The following PLA2G4A variants were observed in gnomAD, a reference collection of about 807,000 sequenced individuals.
The protein encoded by PLA2G4A is cytosolic phospholipase A2.
Under a neutral mutation model 81.9 loss-of-function variants are expected in PLA2G4A, and 40 were observed. The observed-to-expected ratio is 0.49, with a 90% CI of 0.38 to 0.64. The LOEUF is 0.64. Ranked by LOEUF, PLA2G4A falls within the 30% of genes least tolerant of loss-of-function variation. The pLI is 0.00. For missense variants in PLA2G4A, 715 were observed against 905.1 expected (o/e 0.79, Z 2.69); for synonymous variants, 302 against 296.9 (o/e 1.02, Z -0.18).
chr1:186,941,398 C>T (rs1656149427), intron 10 of PLA2G4A, among the ~76,000 whole-genome samples: 1 of 152,110 alleles, frequency 6.6e-6, no homozygotes, highest in Non-Finnish European at 1.5e-5. Context: ...ACATGGGATC[C>T]ATTCATTCAA....
intron 14 of PLA2G4A, among the ~76,000 whole-genome samples, chr1:186,957,602 G>T (rs1656799556): frequency 6.6e-6 from 1 of 152,156 alleles, no homozygotes; most frequent in African/African-American, 2.4e-5. Flanking sequence ...TGCAACATAG[G>T]GCTTGAGTAA....
intron 8 of PLA2G4A, among the ~76,000 whole-genome samples, chr1:186,936,541 T>C (rs1655952970): frequency 6.6e-6 from 1 of 152,002 alleles, no homozygotes; most frequent in South Asian, 2.1e-4. Flanking sequence ...TTGAGGGTCT[T>C]CTCAAGTCAT....
chr1:186,964,734 T>TA, intron 14 of PLA2G4A, among the ~76,000 whole-genome samples: 1 of 152,356 alleles, frequency 6.6e-6, no homozygotes, highest in African/African-American at 2.4e-5. Context: ...TTTATTTACT[T>TA]ATTGGAGGTG....
chr1:186,853,895 A>C (rs1652461731), intron 1 of PLA2G4A, among the ~76,000 whole-genome samples: 1 of 151,898 alleles, frequency 6.6e-6, no homozygotes, highest in Non-Finnish European at 1.5e-5. Flanking sequence ...TTTTATTGTG[A>C]ATTTGTATAT....
intron 15 of PLA2G4A, among the ~76,000 whole-genome samples, chr1:186,968,724 A>G (rs1657228473): frequency 6.6e-6 from 1 of 151,670 alleles, no homozygotes; most frequent in African/African-American, 2.4e-5. Context: ...CTTTAATCAC[A>G]TTTTAATTAT....
chr1:186,959,528 A>G (rs1656874796), intron 14 of PLA2G4A, among the ~76,000 whole-genome samples: 1 of 152,170 alleles, frequency 6.6e-6, no homozygotes, highest in African/African-American at 2.4e-5. Flanking sequence ...AAAAATGTAT[A>G]TGGGGTATTG....
rs188905001 is a variant in PLA2G4A, at chr1:186,884,485, C to G, written c.116-8526C>G. On this transcript the variant is annotated intron_variant, in intron 3 of 17. Transcript: ENST00000367466. ...GCAGTGTATTTACTTTTCCTAAGAACAACTTAGGAAACACATATTAAATTA... is the reference window on the plus strand; with the variant it reads ...GCAGTGTATTTACTTTTCCTAAGAAGAACTTAGGAAACACATATTAAATTA... Among the ~76,000 whole-genome samples the G allele has an allele frequency of 3.6e-4, 55 of 152,028 alleles. 1 individual carries two copies. The East Asian group carries it at 8.3e-3, about 23-fold the overall frequency.
At chr1:186,876,825 C>G (rs988812305) in intron 3 of PLA2G4A, among the ~76,000 whole-genome samples, 1 of 152,066 alleles carries the variant, frequency 6.6e-6, no homozygotes, top group South Asian at 2.1e-4. Context: ...CTAAAGAAAA[C>G]CCAAATGCAT....
chr1:186,950,698 G>T lies in PLA2G4A; in HGVS notation c.1306G>T (p.Asp436Tyr). Residue 436 changes from aspartate (D) to tyrosine (Y), a missense_variant, in exon 13 of 18, where the codon GAC (aspartate) becomes TAC (tyrosine). Asp to Tyr is a radical substitution (Grantham distance 160). Coordinates refer to ENST00000367466, the MANE Select transcript of PLA2G4A (RefSeq NM_024420.3). ...TKHIVSNDSS[D>Y]SDDESHEPKG... The stretch of plus-strand genomic sequence containing the variant: ...GCATATTGTGAGTAATGATAGCTCG[G>T]ACAGTGATGATGAATCACACGAACC... 1 of 1,605,096 alleles carries T rather than the reference G, an allele frequency of 6.2e-7. No homozygotes were observed. Among genetic ancestry groups the T allele is most frequent in the South Asian group, 1.1e-5 (1 of 90,876 alleles).
chr1:186,870,718 T>G (rs1430610095), intron 3 of PLA2G4A: 3 of 1,561,750 alleles, frequency 1.9e-6, no homozygotes, highest in African/African-American at 2.7e-5. Flanking sequence ...TTAGCCAAAG[T>G]GACAAAGGGG....
At chr1:186,980,956 T>C (rs1382672913) in intron 17 of PLA2G4A, among the ~76,000 whole-genome samples, 1 of 152,154 alleles carries the variant, frequency 6.6e-6, no homozygotes, top group African/African-American at 2.4e-5. Context: ...TTTCAAGCAG[T>C]GGACATCTGA....
intron 7 of PLA2G4A, among the ~76,000 whole-genome samples, chr1:186,916,994 G>A (rs1220245466): frequency 3.3e-5 from 5 of 152,246 alleles, no homozygotes; most frequent in Admixed American, 2.6e-4. Context: ...CCTCCTCAGA[G>A]TCACTTTGCA....
At position 186,867,336 on chromosome 1, in the gene PLA2G4A, T is replaced by C. The variant is rs191071255; in HGVS notation, c.34-3099T>C. 2.4e-3 allele frequency among the ~76,000 whole-genome samples: 368 copies of C among 152,308 alleles called. 1 individual carries two copies. Among genetic ancestry groups the C allele is most frequent in the African/African-American group, 8.4e-3 (350 of 41,586 alleles). Reference sequence around the variant, plus strand: ...TATTGAGTCTTCCCATCCATGAATATGGAATATCTCTCCATTTATTTAGTT... The same window carrying C: ...TATTGAGTCTTCCCATCCATGAATACGGAATATCTCTCCATTTATTTAGTT... On this transcript the variant is annotated intron_variant, in intron 2 of 17. Transcript: ENST00000367466.
At position 186,979,311 on chromosome 1, in the gene PLA2G4A, T is replaced by G; in HGVS notation, c.1961-4T>G. ...ACACCCTTTGTGACTCTTCTGGTAT[T>G]TAGGTGTTCCAAGGGAAACTGAGGA... On this transcript the variant is annotated splice_region_variant and splice_polypyrimidine_tract_variant and intron_variant, in intron 16 of 17. Coordinates refer to ENST00000367466, the MANE Select transcript of PLA2G4A (RefSeq NM_024420.3). The G allele has an allele frequency of 6.2e-7, 1 of 1,606,044 alleles. No homozygotes were observed. The highest frequency in any genetic ancestry group is 8.5e-7 in the Non-Finnish European group (1 of 1,172,612).
At chr1:186,871,660 G>A (rs1434113967) in intron 3 of PLA2G4A, among the ~76,000 whole-genome samples, 1 of 152,114 alleles carries the variant, frequency 6.6e-6, no homozygotes, top group Non-Finnish European at 1.5e-5. Context: ...AGATAACGGA[G>A]GTGGGGGCTG....
rs1446356160 is a variant in PLA2G4A at position 186,977,803 on chromosome 1, A to G, written c.1960+15A>G. 3.3e-6 allele frequency: 5 copies of G among 1,524,640 alleles called. No homozygotes were observed. The highest frequency in any genetic ancestry group is 1.4e-5 in the African/African-American group (1 of 73,268). The allele number at this position is 1,524,640 out of a possible 1,614,324, so 94.4% of individuals were successfully genotyped here. The stretch of plus-strand genomic sequence containing the variant: ...CAGGGCTCCAGGTAAGTAGGGAGTA[A>G]GCTGTATTCCATAAAATAGAAATTA... On this transcript the variant is annotated intron_variant, in intron 16 of 17. Coordinates refer to ENST00000367466, the MANE Select transcript of PLA2G4A (RefSeq NM_024420.3).
Position 186,946,919 on chromosome 1 carries a change from T to G in PLA2G4A, c.1222T>G (p.Ser408Ala), listed in dbSNP as rs756699581. The change falls in exon 12 of 18, where the codon TCT becomes GCT. Residue 408 changes from serine (S) to alanine (A), a missense_variant. Ser to Ala is a moderately conservative substitution (Grantham distance 99). Coordinates refer to ENST00000367466, the MANE Select transcript of PLA2G4A (RefSeq NM_024420.3). ...SILFNRVLGV[S>A]GSQSRGSTME... ...ATTGTTCAACAGAGTTTTGGGCGTT[T>G]CTGGTTCACAAAGCAGAGGCTCCAC... The G allele has an allele frequency of 6.2e-7, 1 of 1,612,394 alleles. No individual in the cohort carries two copies. The highest frequency in any genetic ancestry group is 8.5e-7 in the Non-Finnish European group (1 of 1,178,578).
At chr1:186,948,588 A>C (rs530521277) in intron 12 of PLA2G4A, among the ~76,000 whole-genome samples, 2 of 151,990 alleles carry the variant, frequency 1.3e-5, no homozygotes, top group Non-Finnish European at 2.9e-5. Flanking sequence ...TCTGTTGAAT[A>C]ATCCAGATAA....
intron 3 of PLA2G4A, among the ~76,000 whole-genome samples, chr1:186,889,155 C>T (rs964729489): frequency 6.6e-6 from 1 of 152,110 alleles, no homozygotes; most frequent in Non-Finnish European, 1.5e-5. Flanking sequence ...ACCTTATCAT[C>T]CTTCCCACTC....
Sources: gnomAD v4.1 joint callset for allele counts (sites outside exome capture counted in the v4.1 genomes callset) on GRCh38, gnomAD v4.1.1 for gene constraint, MANE v1.5 for transcripts, NCBI Gene and HGNC (gene_info 2026-07-23, HGNC 2026-07-21) for gene names.